CTNNA2: variants seen among roughly 807,000 people sequenced by gnomAD.
The protein encoded by CTNNA2 is catenin alpha-2.
CTNNA2 carries 42 observed loss-of-function variants against 101.0 expected under a neutral mutation model. That is an observed-to-expected ratio of 0.42 (90% confidence interval 0.32 to 0.54). The LOEUF (loss-of-function observed/expected upper bound fraction) is 0.54. CTNNA2 is among the 20% of genes least tolerant of loss of function. The pLI is 0.14. For synonymous variants in CTNNA2, 450 were observed against 456.4 expected (o/e 0.99, Z 0.18); for missense variants, 871 against 1,223.1 (o/e 0.71, Z 4.29).
In CTNNA2 at chr2:79,541,889, T is replaced by C. The variant is rs542356110; in HGVS notation, c.-6+28682T>C. Among the ~76,000 whole-genome samples, 14 of 152,226 alleles carry C rather than the reference T, an allele frequency of 9.2e-5. No homozygotes were observed. The East Asian group carries it at 2.7e-3, about 29-fold the overall frequency. Reference sequence around the variant, plus strand: ...ATTCACCCACCTTAGCCTCCCAAAGTGTTGGGATTACAGGCGTGAGCCACC... The same window carrying C: ...ATTCACCCACCTTAGCCTCCCAAAGCGTTGGGATTACAGGCGTGAGCCACC... On this transcript the variant is annotated intron_variant, in intron 1 of 18. Transcript: ENST00000402739.
intron 2 of CTNNA2, among the ~76,000 whole-genome samples, chr2:79,707,350 G>A (rs1685451156): frequency 6.6e-6 from 1 of 152,172 alleles, no homozygotes; most frequent in African/African-American, 2.4e-5. Context: ...GTAATTACAT[G>A]TAGAGAGAGA....
chr2:80,083,344 A>G (rs1699259037), intron 7 of CTNNA2, among the ~76,000 whole-genome samples: 1 of 152,160 alleles, frequency 6.6e-6, no homozygotes, highest in South Asian at 2.1e-4. Flanking sequence ...GTTTTAATCT[A>G]CTAGGTTCTA....
intron 12 of CTNNA2, among the ~76,000 whole-genome samples, chr2:80,571,128 A>C (rs1694556388): frequency 6.6e-6 from 1 of 152,182 alleles, no homozygotes; most frequent in Non-Finnish European, 1.5e-5. Flanking sequence ...CAAACAAAGC[A>C]ACACCATAAC....
At chr2:79,553,404 G>A (rs1173703964) in intron 1 of CTNNA2, among the ~76,000 whole-genome samples, 1 of 152,084 alleles carries the variant, frequency 6.6e-6, no homozygotes, top group Non-Finnish European at 1.5e-5. Flanking sequence ...TTCCACATTT[G>A]CAAGTATCTT....
intron 8 of CTNNA2, among the ~76,000 whole-genome samples, chr2:80,411,897 A>G (rs1027346490): frequency 6.6e-6 from 1 of 152,194 alleles, no homozygotes; most frequent in Admixed American, 6.5e-5. Flanking sequence ...GAAGATTGCT[A>G]TTATGAAATA....
chr2:79,917,360 G>A (rs1160804978), intron 7 of CTNNA2, among the ~76,000 whole-genome samples: 1 of 152,152 alleles, frequency 6.6e-6, no homozygotes, highest in Non-Finnish European at 1.5e-5. Flanking sequence ...GAGCCACCGT[G>A]CCTGGCCTTT....
At chr2:79,804,802 C>T (rs1238372986) in intron 3 of CTNNA2, among the ~76,000 whole-genome samples, 1 of 152,150 alleles carries the variant, frequency 6.6e-6, no homozygotes, top group Non-Finnish European at 1.5e-5. Context: ...CAAGTTATAG[C>T]ACTTTAATGG....
chr2:80,588,221 A>G (rs974325263), intron 14 of CTNNA2, among the ~76,000 whole-genome samples: 9 of 152,324 alleles, frequency 5.9e-5, no homozygotes, highest in Admixed American at 2.0e-4. Flanking sequence ...CATAAGGCAC[A>G]TGCCCGCCTT....
chr2:79,756,551 T>C (rs1025280957), intron 3 of CTNNA2, among the ~76,000 whole-genome samples: 15 of 152,320 alleles, frequency 9.8e-5, no homozygotes, highest in South Asian at 2.1e-4. Flanking sequence ...AAAGCATGAT[T>C]CATGAAAAAA....
Position 79,771,975 on chromosome 2 carries a change from G to A in CTNNA2, c.298+27393G>A, listed in dbSNP as rs561050059. Among the ~76,000 whole-genome samples the A allele has an allele frequency of 4.6e-5, 7 of 152,030 alleles. No individual in the cohort carries two copies. The East Asian group carries it at 1.2e-3, about 25-fold the overall frequency. ...TTTCATATGTTTTGTGCTAAAATGA[G>A]CCTTTGGATAAGTTAACCCCCCCTC... On this transcript the variant is annotated intron_variant, in intron 3 of 18. Coordinates refer to ENST00000402739, the MANE Select transcript of CTNNA2 (RefSeq NM_001282597.3).
intron 6 of CTNNA2, among the ~76,000 whole-genome samples, chr2:79,906,709 T>C (rs1468985947): frequency 6.6e-6 from 1 of 152,178 alleles, no homozygotes; most frequent in Non-Finnish European, 1.5e-5. Flanking sequence ...AAGTCTCTCT[T>C]GTCACATTTC....
In CTNNA2 at chr2:80,439,804, A is replaced by G. The variant is rs76510040; in HGVS notation, c.1290+20203A>G. Among the ~76,000 whole-genome samples the G allele has an allele frequency of 2.1e-3, 322 of 152,300 alleles. 2 individuals are homozygous for G. Among genetic ancestry groups the G allele is most frequent in the African/African-American group, 7.1e-3 (295 of 41,562 alleles). ...GGTCCTTGGAACACCTCAGTGAGGAAGCTAAGGCAAGTTTCTTTTCTAAGA... is the reference window on the plus strand; with the variant it reads ...GGTCCTTGGAACACCTCAGTGAGGAGGCTAAGGCAAGTTTCTTTTCTAAGA... On this transcript the variant is annotated intron_variant, in intron 9 of 18. Coordinates refer to ENST00000402739, the MANE Select transcript of CTNNA2 (RefSeq NM_001282597.3).
At chr2:79,948,813 A>G (rs1457742630) in intron 7 of CTNNA2, among the ~76,000 whole-genome samples, 4 of 151,206 alleles carry the variant, frequency 2.6e-5, no homozygotes, top group Non-Finnish European at 5.9e-5. Context: ...TTAAAAATAC[A>G]AAAAAATAGC....
At chr2:79,241,584 GA>G (rs1311448769) in intron 2 of CTNNA2, among the ~76,000 whole-genome samples, 1 of 152,164 alleles carries the variant, frequency 6.6e-6, no homozygotes, top group Non-Finnish European at 1.5e-5. Flanking sequence ...CATATGAAGG[GA>G]AGAATTTCAT....
chr2:80,055,754 G>C (rs1697177304), intron 7 of CTNNA2, among the ~76,000 whole-genome samples: 4 of 152,052 alleles, frequency 2.6e-5, no homozygotes. Flanking sequence ...TTGAGTTTGT[G>C]ACCCCTAATG....
At chr2:79,342,134 A>G (rs900628668) in intron 3 of CTNNA2, among the ~76,000 whole-genome samples, 2 of 152,180 alleles carry the variant, frequency 1.3e-5, no homozygotes, top group African/African-American at 4.8e-5. Context: ...CTCTTTACCC[A>G]ATATATAGCA....
intron 7 of CTNNA2, among the ~76,000 whole-genome samples, chr2:80,085,603 G>T (rs1441945599): frequency 2.0e-5 from 3 of 152,018 alleles, no homozygotes; most frequent in Non-Finnish European, 2.9e-5. Context: ...TTTTGAAAAG[G>T]CATAGTTTGT....
In CTNNA2 at chr2:79,345,694, G is replaced by T. The variant is rs540722362; in HGVS notation, c.-317-28137G>T. The stretch of plus-strand genomic sequence containing the variant: ...TTGTTTGTCTGTTTTGTTTTTTGTG[G>T]GTTGTTTGTCTGTTTTGAGACAGAG... On this transcript the variant is annotated intron_variant, in intron 3 of 21. Coordinates refer to the CTNNA2 transcript ENST00000466387. 4.9e-4 allele frequency among the ~76,000 whole-genome samples: 74 copies of T among 151,978 alleles called. 1 individual carries two copies. The South Asian group carries it at 0.015, about 30-fold the overall frequency.
Position 79,935,284 on chromosome 2 carries a change from C to T in CTNNA2, c.1056+25487C>T, listed in dbSNP as rs193294541. ...AAAAATTAAATGCCTTGTCCAAAGT[C>T]ACATGGAGGCAAAACCACAATTTAG... On this transcript the variant is annotated intron_variant, in intron 7 of 18. Transcript: ENST00000402739. Among the ~76,000 whole-genome samples, 43 of 151,538 alleles carry T rather than the reference C, an allele frequency of 2.8e-4. No individual in the cohort carries two copies. The East Asian group carries it at 8.1e-3, about 29-fold the overall frequency.
Sources: allele counts gnomAD v4.1 joint callset (sites outside exome capture counted in the v4.1 genomes callset), GRCh38; gene constraint gnomAD v4.1.1; transcripts MANE v1.5; gene names NCBI Gene and HGNC (gene_info 2026-07-23, HGNC 2026-07-21).